Variants in PLCH2 observed in about 807,000 individuals in gnomAD.
The protein encoded by PLCH2 is phospholipase C eta 2.
In PLCH2, 98 loss-of-function variants were observed where a neutral mutation model predicts 134.7. That is an observed-to-expected ratio of 0.73 (90% confidence interval 0.62 to 0.86). The LOEUF is 0.86. Ranked by LOEUF, PLCH2 falls within the 40% of genes least tolerant of loss-of-function variation. The pLI is 0.00. For synonymous variants in PLCH2, 974 were observed against 827.5 expected, an observed-to-expected ratio of 1.18 and a Z score of -3.04; for missense variants, 1,994 against 1,986.6, an observed-to-expected ratio of 1.00 and a Z score of -0.07.
chr1:2,499,106 G>A lies in PLCH2; in HGVS notation c.2457G>A (p.Glu819=), dbSNP rs760364028. 6.2e-7 allele frequency: 1 copy of A among 1,611,548 alleles called. No individual in the cohort carries two copies. Among genetic ancestry groups the A allele is most frequent in the East Asian group, 2.2e-5 (1 of 44,844 alleles). ...DDNGFNPTWE[E]TLVFMVHMPE... ...CAGGGTTCAACCCCACCTGGGAGGA[G>A]ACCCTGGTTTTCATGGTGCACATGC... is the stretch of plus-strand genomic sequence containing the variant. Residue 819 remains glutamate, a synonymous_variant, in exon 19 of 22, where the codon GAG becomes GAA. Coordinates refer to ENST00000378486, the MANE Select transcript of PLCH2 (RefSeq NM_014638.4).
chr1:2,473,079 G>A (rs574291404), upstream of PLCH2, among the ~76,000 whole-genome samples: 6 of 152,188 alleles, frequency 3.9e-5, no homozygotes, highest in South Asian at 2.1e-4. Flanking sequence ...ATCGATCTCC[G>A]CCATAAAAAC....
chr1:2,458,698 C>T (rs905088107), intron 2 of PLCH2, among the ~76,000 whole-genome samples: 2 of 152,138 alleles, frequency 1.3e-5, no homozygotes, highest in Non-Finnish European at 2.9e-5. Context: ...CAGGGACGCT[C>T]CCGCCCAGAC....
intron 2 of PLCH2, among the ~76,000 whole-genome samples, chr1:2,432,670 C>T (rs540381814): frequency 1.4e-4 from 21 of 152,312 alleles, no homozygotes; most frequent in African/African-American, 5.1e-4. Flanking sequence ...AGACAGTGCA[C>T]TCTCCAGGCT....
chr1:2,459,783 T>C (rs891481528), intron 2 of PLCH2, among the ~76,000 whole-genome samples: 1 of 152,260 alleles, frequency 6.6e-6, no homozygotes, highest in Non-Finnish European at 1.5e-5. Flanking sequence ...CTGAATGCAG[T>C]GCTGGCGCGT....
rs1643484548 is a variant in PLCH2 at position 2,505,289 on chromosome 1, G to T, written c.*76G>T. 8.4e-7 allele frequency: 1 copy of T among 1,185,552 alleles called. No individual in the cohort carries two copies. The highest frequency in any genetic ancestry group is 2.4e-5 in the Admixed American group (1 of 42,384). The allele number at this position is 1,185,552 out of a possible 1,614,324, so 73.4% of individuals were successfully genotyped here. A position where few individuals can be genotyped will look rare whatever the true frequency, so the allele number is the denominator to read the frequency against. On this transcript the variant is annotated 3_prime_UTR_variant, in exon 22 of 22. Transcript: ENST00000378486. Reference sequence around the variant, plus strand: ...GCGTGTTGTTTGCTCAGGAAACAGGGCAGCCAGGCCCCCAAAACTGTGTCC... The same window carrying T: ...GCGTGTTGTTTGCTCAGGAAACAGGTCAGCCAGGCCCCCAAAACTGTGTCC...
In PLCH2 at chr1:2,448,906, C is replaced by G. The variant is rs1045386794; in HGVS notation, c.115+18277C>G. On this transcript the variant is annotated intron_variant, in intron 2 of 3. Transcript: ENST00000609981. The surrounding 1 kb of genome is among the most constrained non-coding windows in gnomAD (Gnocchi z 4.0). ...ACATCACTGCTGCCCCGGAAGGCACCTGGGGCCTCCAGAATGCTCGTTTCG... is the reference window on the plus strand; with the variant it reads ...ACATCACTGCTGCCCCGGAAGGCACGTGGGGCCTCCAGAATGCTCGTTTCG... 1.3e-5 allele frequency among the ~76,000 whole-genome samples: 2 copies of G among 152,304 alleles called. No homozygotes were observed. Among genetic ancestry groups the G allele is most frequent in the East Asian group, 1.9e-4 (1 of 5,172 alleles).
At chr1:2,497,338 G>A (rs1486639877) in intron 15 of PLCH2, among the ~76,000 whole-genome samples, 164 bp from the exon 16 acceptor site, 1 of 152,086 alleles carries the variant, frequency 6.6e-6, no homozygotes, top group African/African-American at 2.4e-5. Context: ...CCTCAGTCCT[G>A]CACAGGTGTG....
chr1:2,428,733 C>T (rs1364385976), intron 1 of PLCH2, among the ~76,000 whole-genome samples: 2 of 152,248 alleles, frequency 1.3e-5, no homozygotes, highest in African/African-American at 4.8e-5. Context: ...GGGACGGTGG[C>T]TGGATCAGCT....
the PLCH2 span, among the ~76,000 whole-genome samples, chr1:2,416,649 G>A: frequency 6.6e-6 from 1 of 152,212 alleles, no homozygotes. Flanking sequence ...TGGGGAGGGC[G>A]GGGCCCGGCA....
At chr1:2,417,964 G>A in the PLCH2 span, among the ~76,000 whole-genome samples, 3 of 152,172 alleles carry the variant, frequency 2.0e-5, no homozygotes, top group Non-Finnish European at 1.5e-5. Context: ...GGCCTGCCTC[G>A]GACCCCCAGC....
At chr1:2,419,669 G>A in the PLCH2 span, among the ~76,000 whole-genome samples, 1 of 152,120 alleles carries the variant, frequency 6.6e-6, no homozygotes, top group African/African-American at 2.4e-5. Context: ...GGATCCCCGT[G>A]CCTGACCCTG....
rs774435791 is a variant in PLCH2, at chr1:2,502,594, G to T, written c.2959+185G>T. 2.2e-5 allele frequency: 16 copies of T among 730,198 alleles called. No homozygotes were observed. The East Asian group carries it at 4.0e-4, about 18-fold the overall frequency. 45.2% of individuals were successfully genotyped at this position (730,198 alleles called of 1,614,324 possible). On this transcript the variant is annotated intron_variant, in intron 21 of 21. Transcript: ENST00000378486. ...CACCCAGCCCGGGGCCTGCAAGCAGGCAGGCAGCCATTCGCCAGCAGCCCC... is the reference window on the plus strand; with the variant it reads ...CACCCAGCCCGGGGCCTGCAAGCAGTCAGGCAGCCATTCGCCAGCAGCCCC...
rs970274642 is a variant in PLCH2 at position 2,444,953 on chromosome 1, T to C, written c.115+14324T>C. ...CAGCGAGGTGCAGCCTCAGAGGGGATTCAGGCACCATGGGAGGCCGGGGAG... is the reference window on the plus strand; with the variant it reads ...CAGCGAGGTGCAGCCTCAGAGGGGACTCAGGCACCATGGGAGGCCGGGGAG... On this transcript the variant is annotated intron_variant, in intron 2 of 3. Transcript: ENST00000609981. This position sits in a 1 kb window ranked among gnomAD's most constrained non-coding sequence, Gnocchi z 4.6. Among the ~76,000 whole-genome samples, 6 of 151,998 alleles carry C rather than the reference T, an allele frequency of 3.9e-5. No homozygotes were observed. Among genetic ancestry groups the C allele is most frequent in the Admixed American group, 6.5e-5 (1 of 15,270 alleles).
At chr1:2,446,487 G>T (rs1359083963) in intron 2 of PLCH2, among the ~76,000 whole-genome samples, 1 of 152,212 alleles carries the variant, frequency 6.6e-6, no homozygotes, top group African/African-American at 2.4e-5. Context: ...CCCCCCAGCT[G>T]CAGGGGTCCC....
chr1:2,446,047 G>A (rs1021558941), intron 2 of PLCH2, among the ~76,000 whole-genome samples: 3 of 152,090 alleles, frequency 2.0e-5, no homozygotes, highest in African/African-American at 7.2e-5. Flanking sequence ...CGGGAGGGGG[G>A]CTGAGGACCA....
intron 3 of PLCH2, 41 bp downstream of exon 3, chr1:2,480,018 C>A: frequency 6.3e-7 from 1 of 1,589,426 alleles, no homozygotes; most frequent in Non-Finnish European, 8.6e-7. Flanking sequence ...ACCCAGGGAC[C>A]GGCCCCTTGG....
upstream of PLCH2, among the ~76,000 whole-genome samples, chr1:2,473,225 C>G (rs1641423894): frequency 6.6e-6 from 1 of 152,252 alleles, no homozygotes; most frequent in South Asian, 2.1e-4. Flanking sequence ...GAAACTGAGG[C>G]ACTGAGACAG....
In PLCH2 at chr1:2,498,646, A is replaced by AGGTGGGGGC; in HGVS notation, c.2349_2349+8dup. 1 of 876,148 alleles carries AGGTGGGGGC rather than the reference A, an allele frequency of 1.1e-6. No individual in the cohort carries two copies. The highest frequency in any genetic ancestry group is 1.5e-6 in the Non-Finnish European group (1 of 686,536). 54.3% of individuals were successfully genotyped at this position (876,148 alleles called of 1,614,324 possible). On this transcript the variant is annotated inframe_insertion and splice_region_variant, in exon 17 of 22. Coordinates refer to ENST00000378486, the MANE Select transcript of PLCH2 (RefSeq NM_014638.4). The surrounding 1 kb of genome is among the most constrained non-coding windows in gnomAD (Gnocchi z 5.4). Reference sequence around the variant, plus strand: ...GACTCCATGCTGGGGGACCGTGGGGAGGTGGGGGCCAGCCCCACACAGGCG... The same window carrying AGGTGGGGGC: ...GACTCCATGCTGGGGGACCGTGGGGAGGTGGGGGCGGTGGGGGCCAGCCCCACACAGGCG...
intron 21 of PLCH2, chr1:2,502,662 A>C (rs1239398806): frequency 2.9e-6 from 2 of 688,572 alleles, no homozygotes; most frequent in Middle Eastern, 2.4e-4. Flanking sequence ...TGTGGCCTGG[A>C]CCCTCACGCT....
Sources: gnomAD v4.1 joint callset for allele counts (sites outside exome capture counted in the v4.1 genomes callset) on GRCh38, gnomAD v4.1.1 for gene constraint, Gnocchi (gnomAD v3.1) non-coding constraint, MANE v1.5 for transcripts, NCBI Gene and HGNC (gene_info 2026-07-23, HGNC 2026-07-21) for gene names.